The following UTRN variants were observed in gnomAD, a reference collection of about 807,000 sequenced individuals.
UTRN encodes the protein utrophin.
UTRN carries 283 observed loss-of-function variants against 463.9 expected under a neutral mutation model. That is an observed-to-expected ratio of 0.61 (90% CI 0.55 to 0.67). The LOEUF is 0.67. Ranked by LOEUF, UTRN falls within the 30% of genes least tolerant of loss-of-function variation. The pLI is 0.00. For missense variants in UTRN, 3,922 were observed against 4,084.3 expected, an observed-to-expected ratio of 0.96 and a Z score of 1.08; for synonymous variants, 1,442 against 1,431.5, an observed-to-expected ratio of 1.01 and a Z score of -0.17.
chr6:144,773,061 G>A (rs1292423710), intron 59 of UTRN, among the ~76,000 whole-genome samples: 1 of 152,008 alleles, frequency 6.6e-6, no homozygotes, highest in Non-Finnish European at 1.5e-5. Context: ...TTTGTAAAAT[G>A]AGGGGGCAAA....
chr6:144,719,384 G>T (rs13192706), intron 53 of UTRN, among the ~76,000 whole-genome samples: 3,363 of 152,184 alleles, frequency 0.022, 49 homozygotes, highest in Non-Finnish European at 0.033. Context: ...TTCGAGACCA[G>T]CCTGACCATG....
chr6:144,513,694 A>G (rs1159564935), intron 35 of UTRN, among the ~76,000 whole-genome samples: 1 of 152,248 alleles, frequency 6.6e-6, no homozygotes, highest in Non-Finnish European at 1.5e-5. Context: ...GCTGAGGTCT[A>G]AATCAAATAA....
chr6:144,499,303 G>A lies in UTRN; in HGVS notation c.4640G>A (p.Arg1547Gln), dbSNP rs772960184. The A allele has an allele frequency of 1.3e-5, 21 of 1,612,796 alleles. No homozygotes were observed. Among genetic ancestry groups the A allele is most frequent in the Admixed American group, 1.7e-5 (1 of 59,948 alleles). Reference sequence around the variant, plus strand: ...CTGGAAAGAGCATCACAGTTGGCCCGGAAAATGAAGAAAGAGGCTGCTTCT... The same window carrying A: ...CTGGAAAGAGCATCACAGTTGGCCCAGAAAATGAAGAAAGAGGCTGCTTCT... ...QDLERASQLARKMKKEAASLS... is the reference protein window; with the variant it reads ...QDLERASQLAQKMKKEAASLS... Residue 1547 changes from arginine (R) to glutamine (Q), a missense_variant, in exon 34 of 75, where the codon CGG becomes CAG. Transcript: ENST00000367545.
At position 144,617,867 on chromosome 6, in the gene UTRN, G is replaced by T. The variant is rs1003531859; in HGVS notation, c.7479+40579G>T. Among the ~76,000 whole-genome samples, 22 of 152,100 alleles carry T rather than the reference G, an allele frequency of 1.4e-4. 1 individual carries two copies. The highest frequency in any genetic ancestry group is 5.1e-4 in the African/African-American group (21 of 41,416). ...ATCTCAAATTTACTGCTACCCACTC[G>T]GTACCATGCAGAGCTTGCTTGGGAG... On this transcript the variant is annotated intron_variant, in intron 51 of 74. Transcript: ENST00000367545.
At chr6:144,613,282 G>A (rs1805718150) in intron 51 of UTRN, among the ~76,000 whole-genome samples, 1 of 151,900 alleles carries the variant, frequency 6.6e-6, no homozygotes, top group Non-Finnish European at 1.5e-5. Flanking sequence ...GAGGATTTAT[G>A]GCAAACCAAG....
intron 39 of UTRN, 149 bp downstream of exon 39, chr6:144,517,097 T>C (rs1314736433): frequency 1.5e-6 from 1 of 645,374 alleles, no homozygotes; most frequent in Non-Finnish European, 2.2e-6. Flanking sequence ...GATGTGTTCA[T>C]ATTTTTGGAT....
At chr6:144,406,314 A>G (rs1783391396) in intron 3 of UTRN, among the ~76,000 whole-genome samples, 1 of 147,886 alleles carries the variant, frequency 6.8e-6, no homozygotes, top group Non-Finnish European at 1.5e-5. Flanking sequence ...CTTCCATTCC[A>G]TGCTCCACCT....
chr6:144,745,954 T>C, intron 54 of UTRN, among the ~76,000 whole-genome samples: 1 of 151,342 alleles, frequency 6.6e-6, no homozygotes, highest in Middle Eastern at 3.4e-3. Flanking sequence ...TTTATATTTA[T>C]ATAAAATATA....
chr6:144,821,611 A>G (rs1779614505), intron 66 of UTRN, among the ~76,000 whole-genome samples: 1 of 152,108 alleles, frequency 6.6e-6, no homozygotes, highest in Admixed American at 6.5e-5. Flanking sequence ...GTTGGTTAGC[A>G]TACATGAAAG....
rs1182385937 is a variant in UTRN, at chr6:144,818,186, A to G, written c.9358-2696A>G. 4.6e-5 allele frequency among the ~76,000 whole-genome samples: 7 copies of G among 152,210 alleles called. No homozygotes were observed. In the East Asian group the frequency reaches 1.3e-3, roughly 29 times the overall value. ...AGAAGCAAGTCATAAAAGACCATAT[A>G]TTATATTAATTTGTTTATATGAAAT... On this transcript the variant is annotated intron_variant, in intron 65 of 74. Transcript: ENST00000367545.
chr6:144,344,994 G>A (rs1332108273), intron 2 of UTRN, among the ~76,000 whole-genome samples: 1 of 152,200 alleles, frequency 6.6e-6, no homozygotes, highest in Admixed American at 6.5e-5. Context: ...CTGGTTGTAT[G>A]AGCTTTTGGA....
chr6:144,774,487 A>T, intron 60 of UTRN, 123 bp downstream of exon 60: 2 of 808,670 alleles, frequency 2.5e-6, no homozygotes, highest in East Asian at 5.7e-5. Context: ...AGTGTACCTC[A>T]CTCAAGGAGT....
intron 54 of UTRN, among the ~76,000 whole-genome samples, chr6:144,738,913 CTTAAT>C (rs1478134730): frequency 6.6e-6 from 1 of 152,028 alleles, no homozygotes; most frequent in Non-Finnish European, 1.5e-5. Flanking sequence ...CCAGCTATTA[CTTAAT>C]TTAGTCTATT....
intron 54 of UTRN, among the ~76,000 whole-genome samples, chr6:144,737,918 C>T (rs987619121): frequency 2.0e-5 from 3 of 151,682 alleles, no homozygotes; most frequent in Non-Finnish European, 4.4e-5. Flanking sequence ...GTTCTTTGTA[C>T]TTTCCAAGCA....
chr6:144,368,027 G>A (rs906304547), intron 2 of UTRN, among the ~76,000 whole-genome samples: 2 of 152,100 alleles, frequency 1.3e-5, no homozygotes, highest in African/African-American at 4.8e-5. Flanking sequence ...TGATCTGCCT[G>A]CCTTGGCCTT....
chr6:144,456,386 G>C (rs1444863240), intron 19 of UTRN, among the ~76,000 whole-genome samples: 1 of 152,034 alleles, frequency 6.6e-6, no homozygotes, highest in East Asian at 1.9e-4. Context: ...TGGGCGCAGT[G>C]GCTCACACCT....
chr6:144,530,102 G>A (rs1000959584), intron 41 of UTRN, among the ~76,000 whole-genome samples: 17 of 152,274 alleles, frequency 1.1e-4, no homozygotes, highest in African/African-American at 2.6e-4. Context: ...GTCATTACCC[G>A]AAGTACATTA....
In UTRN at chr6:144,724,924, T is replaced by C. The variant is rs180834534; in HGVS notation, c.7810-5433T>C. ...TCATGTATGAGTGTTTATGTGGACA[T>C]GTTTTTCTTTTTCTTCGGTATATAC... On this transcript the variant is annotated intron_variant, in intron 53 of 74. Coordinates refer to ENST00000367545, the MANE Select transcript of UTRN (RefSeq NM_007124.3). 2.7e-4 allele frequency among the ~76,000 whole-genome samples: 41 copies of C among 152,358 alleles called. No homozygotes were observed. In the Middle Eastern group the frequency reaches 0.024, roughly 88 times the overall value.
At chr6:144,774,739 A>G (rs1775163700) in intron 60 of UTRN, among the ~76,000 whole-genome samples, 1 of 152,208 alleles carries the variant, frequency 6.6e-6, no homozygotes, top group Admixed American at 6.5e-5. Context: ...ATACCACTAT[A>G]TATAAAGAAA....
Sources: gnomAD v4.1 joint callset for allele counts (sites outside exome capture counted in the v4.1 genomes callset) on GRCh38, gnomAD v4.1.1 for gene constraint, MANE v1.5 for transcripts, NCBI Gene and HGNC (gene_info 2026-07-23, HGNC 2026-07-21) for gene names.